DOCK2: variants seen among roughly 807,000 people sequenced by gnomAD.
DOCK2 encodes dedicator of cytokinesis protein 2.
A neutral mutation model predicts 248.9 loss-of-function variants in DOCK2; 87 were observed. The ratio of observed to expected loss-of-function variants is 0.35; its 90% CI spans 0.29 to 0.42. The LOEUF is 0.42. Ranked by LOEUF, DOCK2 falls within the 10% of genes least tolerant of loss-of-function variation. The pLI, the probability that DOCK2 is intolerant of heterozygous loss-of-function variation, is 1.00. For missense variants in DOCK2, 1,747 were observed against 2,300.2 expected (o/e 0.76, Z 4.92); for synonymous variants, 805 against 821.6 (o/e 0.98, Z 0.35).
intron 9 of DOCK2, 77 bp downstream of exon 9, chr5:169,689,410 G>C: frequency 6.7e-7 from 1 of 1,501,168 alleles, no homozygotes; most frequent in Non-Finnish European, 9.2e-7. Context: ...CTGGTCAGGA[G>C]CTCAGGGTGA....
At chr5:169,830,484 AT>A (rs1488787831) in intron 26 of DOCK2, among the ~76,000 whole-genome samples, 1 of 152,076 alleles carries the variant, frequency 6.6e-6, no homozygotes, top group African/African-American at 2.4e-5. Flanking sequence ...TTTTTTATCT[AT>A]TTTTTTGCAC....
chr5:169,927,440 C>G (rs1386338095), intron 27 of DOCK2, among the ~76,000 whole-genome samples: 1 of 152,120 alleles, frequency 6.6e-6, no homozygotes, highest in African/African-American at 2.4e-5. Context: ...GCTACTGGGC[C>G]AGAGACCAGA....
Position 169,871,194 on chromosome 5 carries a change from T to C in DOCK2, c.2799+30342T>C, listed in dbSNP as rs576439128. Among the ~76,000 whole-genome samples the C allele has an allele frequency of 1.1e-4, 16 of 152,290 alleles. 1 individual carries two copies. The South Asian group carries it at 3.3e-3, about 32-fold the overall frequency. ...TAGGAATTAATCTGAATTTGAAGGG[T>C]ACACAAACATTCAGTCTATTCACCT... On this transcript the variant is annotated intron_variant, in intron 27 of 51. Transcript: ENST00000520908.
At chr5:169,832,405 C>G (rs1246373912) in intron 26 of DOCK2, among the ~76,000 whole-genome samples, 2 of 152,188 alleles carry the variant, frequency 1.3e-5, no homozygotes, top group Admixed American at 1.3e-4. Flanking sequence ...GGGGTGGGGA[C>G]ACTCACCCAG....
intron 27 of DOCK2, among the ~76,000 whole-genome samples, chr5:169,961,747 G>A (rs548936663): frequency 6.6e-6 from 1 of 152,222 alleles, no homozygotes; most frequent in African/African-American, 2.4e-5. Context: ...GGAGGCCGAG[G>A]TGGGCAGATT....
chr5:170,052,911 C>A (rs761636989), intron 41 of DOCK2, among the ~76,000 whole-genome samples: 6 of 152,206 alleles, frequency 3.9e-5, no homozygotes, highest in Non-Finnish European at 7.3e-5. Flanking sequence ...GATTTGAACT[C>A]AGGCCTACTT....
intron 44 of DOCK2, among the ~76,000 whole-genome samples, chr5:170,066,373 A>T (rs1257483440): frequency 6.6e-6 from 1 of 152,236 alleles, no homozygotes; most frequent in Non-Finnish European, 1.5e-5. Flanking sequence ...GTAAACACAT[A>T]TACACCCAAT....
At chr5:169,794,854 C>T (rs1027010887) in intron 25 of DOCK2, among the ~76,000 whole-genome samples, 4 of 152,150 alleles carry the variant, frequency 2.6e-5, no homozygotes, top group Non-Finnish European at 4.4e-5. Flanking sequence ...ACCTGGGAGG[C>T]GAAGCTTGCA....
At chr5:169,657,986 A>G (rs1027994730) in intron 2 of DOCK2, among the ~76,000 whole-genome samples, 8 of 152,222 alleles carry the variant, frequency 5.3e-5, no homozygotes, top group African/African-American at 9.6e-5. Flanking sequence ...AGCTAACTCA[A>G]TGACATCACT....
chr5:169,658,988 T>TTATTAC (rs1491198814), intron 2 of DOCK2, among the ~76,000 whole-genome samples: 1 of 37,850 alleles, frequency 2.6e-5, no homozygotes, highest in African/African-American at 8.2e-5. Context: ...TGCATTATTA[T>TTATTAC]TATTATTATT....
At chr5:169,731,412 T>G (rs1195524599) in intron 22 of DOCK2, among the ~76,000 whole-genome samples, 1 of 152,184 alleles carries the variant, frequency 6.6e-6, no homozygotes, top group South Asian at 2.1e-4. Context: ...AAGCTCCCTC[T>G]TTGCCTGCTG....
intron 21 of DOCK2, among the ~76,000 whole-genome samples, chr5:169,717,878 A>G (rs1561632311): frequency 6.6e-6 from 1 of 152,196 alleles, no homozygotes; most frequent in African/African-American, 2.4e-5. Flanking sequence ...CCTGGCCAAC[A>G]TGGTGAAACC....
At chr5:169,734,888 C>T (rs748369656) in intron 22 of DOCK2, among the ~76,000 whole-genome samples, 5 of 152,316 alleles carry the variant, frequency 3.3e-5, no homozygotes, top group South Asian at 4.1e-4. Context: ...TTTAAGGACA[C>T]GAGGGCTTGC....
At chr5:169,671,815 A>G (rs1288007933) in intron 5 of DOCK2, among the ~76,000 whole-genome samples, 1 of 152,168 alleles carries the variant, frequency 6.6e-6, no homozygotes, top group Non-Finnish European at 1.5e-5. Flanking sequence ...TATGCACAGG[A>G]TTTGTAGACT....
At chr5:169,842,918 C>G (rs775259379) in intron 27 of DOCK2, among the ~76,000 whole-genome samples, 2 of 152,168 alleles carry the variant, frequency 1.3e-5, no homozygotes, top group Admixed American at 6.5e-5. Flanking sequence ...ACACATCCCT[C>G]ACTGTTGCCC....
chr5:170,067,751 G>T, intron 45 of DOCK2, 65 bp downstream of exon 45: 1 of 1,551,122 alleles, frequency 6.4e-7, no homozygotes, highest in African/African-American at 1.4e-5. Flanking sequence ...GGAGGACCCA[G>T]GGGGCAGATG....
intron 27 of DOCK2, among the ~76,000 whole-genome samples, chr5:169,925,699 G>A (rs370921816): frequency 7.6e-5 from 11 of 145,252 alleles, no homozygotes; most frequent in South Asian, 6.9e-4. Context: ...TCTGTAGAAC[G>A]GAGTGACAAT....
intron 27 of DOCK2, among the ~76,000 whole-genome samples, chr5:169,942,783 G>A (rs902427416): frequency 3.3e-5 from 5 of 152,186 alleles, no homozygotes; most frequent in Non-Finnish European, 7.3e-5. Context: ...CTGCTCAAAG[G>A]TTAACTGTCA....
intron 33 of DOCK2, among the ~76,000 whole-genome samples, chr5:170,021,232 T>C (rs965907302): frequency 5.3e-5 from 8 of 152,004 alleles, no homozygotes; most frequent in African/African-American, 1.9e-4. Context: ...AAAGCTTGGA[T>C]TGAGTGTTTG....
Sources: allele counts gnomAD v4.1 joint callset (sites outside exome capture counted in the v4.1 genomes callset), GRCh38; gene constraint gnomAD v4.1.1; transcripts MANE v1.5; gene names NCBI Gene and HGNC (gene_info 2026-07-23, HGNC 2026-07-21).